PDE4D: variants seen among roughly 807,000 people sequenced by gnomAD.
PDE4D encodes the protein 3',5'-cyclic-AMP phosphodiesterase 4D.
A neutral mutation model predicts 87.4 loss-of-function variants in PDE4D; 24 were observed. The ratio of observed to expected loss-of-function variants is 0.27; its 90% CI spans 0.20 to 0.39. The LOEUF (loss-of-function observed/expected upper bound fraction) is 0.39. Ranked by LOEUF, PDE4D falls within the 10% of genes least tolerant of loss-of-function variation. PDE4D has a pLI of 1.00. For missense variants in PDE4D, 714 were observed against 1,041.0 expected (o/e 0.69, Z 4.32); for synonymous variants, 384 against 383.2 (o/e 1.00, Z -0.02).
chr5:59,739,139 G>T (rs1040883871), intron 1 of PDE4D, among the ~76,000 whole-genome samples: 3 of 152,152 alleles, frequency 2.0e-5, no homozygotes, highest in Non-Finnish European at 2.9e-5. Context: ...GGGAGAAAGG[G>T]CTGGGTGCAG....
chr5:60,139,256 A>G (rs1361455574), intron 2 of PDE4D, among the ~76,000 whole-genome samples: 1 of 152,164 alleles, frequency 6.6e-6, no homozygotes, highest in Non-Finnish European at 1.5e-5. Flanking sequence ...TAGGTTCATT[A>G]CATGAAGGAT....
intron 1 of PDE4D, among the ~76,000 whole-genome samples, chr5:60,443,513 A>G (rs566244846): frequency 6.6e-6 from 1 of 152,268 alleles, no homozygotes; most frequent in African/African-American, 2.4e-5. Flanking sequence ...AGGGTAGAGA[A>G]AAGAATGCTG....
chr5:59,080,626 C>G (rs1247472540), intron 5 of PDE4D, among the ~76,000 whole-genome samples: 1 of 152,138 alleles, frequency 6.6e-6, no homozygotes, highest in Non-Finnish European at 1.5e-5. Context: ...TAGGCAAAAG[C>G]TACAGGGCAA....
rs548335725 is a variant in PDE4D at position 59,156,320 on chromosome 5, A to AAAATATATATAT, written c.808+24274_808+24275insATATATATATTT. On this transcript the variant is annotated intron_variant, in intron 5 of 14. Transcript: ENST00000340635. ...CTAGAGACTTGCCAGAAAAAAAAAA[A>AAAATATATATAT]ATATATATATATGTGTGTGTGTGTG... Among the ~76,000 whole-genome samples the AAAATATATATAT allele has an allele frequency of 7.8e-3, 636 of 81,626 alleles. 11 individuals carry two copies. Among genetic ancestry groups the AAAATATATATAT allele is most frequent in the Middle Eastern group, 0.019 (3 of 154 alleles). The allele number at this position is 81,626 out of a possible 152,430, so 53.5% of individuals were successfully genotyped here. A position where few individuals can be genotyped will look rare whatever the true frequency, so the allele number is the denominator to read the frequency against.
At chr5:60,059,022 C>T (rs1299286598) in intron 2 of PDE4D, among the ~76,000 whole-genome samples, 1 of 120,090 alleles carries the variant, frequency 8.3e-6, no homozygotes, top group South Asian at 2.8e-4. Flanking sequence ...TTCTATCTAT[C>T]TTTTTTGGCA....
At chr5:59,941,398 C>T (rs549669495) in intron 3 of PDE4D, among the ~76,000 whole-genome samples, 1 of 152,174 alleles carries the variant, frequency 6.6e-6, no homozygotes, top group Non-Finnish European at 1.5e-5. Flanking sequence ...AGAAATAGTT[C>T]GAAGTCAGGG....
intron 6 of PDE4D, among the ~76,000 whole-genome samples, chr5:59,018,388 T>C (rs367952927): frequency 1.3e-5 from 2 of 152,238 alleles, no homozygotes; most frequent in Admixed American, 6.5e-5. Context: ...TGTAAGTCTA[T>C]TACACTTTGG....
chr5:59,662,633 A>G (rs561174455), intron 1 of PDE4D, among the ~76,000 whole-genome samples: 5 of 152,258 alleles, frequency 3.3e-5, no homozygotes, highest in Non-Finnish European at 7.3e-5. Flanking sequence ...CTATTTTAAG[A>G]AAACCACCTT....
intron 1 of PDE4D, among the ~76,000 whole-genome samples, chr5:60,193,495 C>T (rs1308573776): frequency 6.6e-6 from 1 of 151,256 alleles, no homozygotes; most frequent in Non-Finnish European, 1.5e-5. Flanking sequence ...AAGATGAAAC[C>T]CCGTCTCTAC....
chr5:59,242,830 A>T (rs957434678), intron 1 of PDE4D, among the ~76,000 whole-genome samples: 2 of 152,176 alleles, frequency 1.3e-5, no homozygotes, highest in African/African-American at 4.8e-5. Context: ...AATTATGGAC[A>T]GATGTAGAGC....
chr5:59,884,444 C>CT (rs1453714054), intron 1 of PDE4D, among the ~76,000 whole-genome samples: 1 of 151,918 alleles, frequency 6.6e-6, no homozygotes, highest in Non-Finnish European at 1.5e-5. Flanking sequence ...CTCTAAATTG[C>CT]TTTTTCCACA....
intron 1 of PDE4D, among the ~76,000 whole-genome samples, chr5:59,879,208 G>A (rs1197614140): frequency 2.6e-5 from 4 of 152,092 alleles, no homozygotes; most frequent in African/African-American, 9.7e-5. Context: ...CCCTACCAAA[G>A]TAAGTTTTAA....
chr5:59,887,692 A>G (rs1750365454), intron 1 of PDE4D, among the ~76,000 whole-genome samples: 1 of 152,112 alleles, frequency 6.6e-6, no homozygotes, highest in Admixed American at 6.6e-5. Flanking sequence ...ATTAAAGTTT[A>G]GAGATAGAAA....
intron 2 of PDE4D, among the ~76,000 whole-genome samples, chr5:60,031,594 T>A (rs1767252290): frequency 6.6e-6 from 1 of 152,226 alleles, no homozygotes; most frequent in Non-Finnish European, 1.5e-5. Flanking sequence ...TAGCCCTGCC[T>A]GATGAAGAAT....
chr5:60,288,148 C>A (rs1038770781), intron 1 of PDE4D, among the ~76,000 whole-genome samples: 2 of 152,206 alleles, frequency 1.3e-5, no homozygotes, highest in Non-Finnish European at 2.9e-5. Context: ...AGGGCTATCC[C>A]GAGACTAACT....
intron 1 of PDE4D, among the ~76,000 whole-genome samples, chr5:60,340,615 A>C (rs1196896112): frequency 6.6e-6 from 1 of 151,886 alleles, no homozygotes; most frequent in Non-Finnish European, 1.5e-5. Flanking sequence ...TTTAAAAAAA[A>C]AAAAAAAAAA....
intron 5 of PDE4D, among the ~76,000 whole-genome samples, chr5:59,056,193 C>T (rs1251444041): frequency 2.6e-5 from 4 of 152,182 alleles, no homozygotes; most frequent in South Asian, 2.1e-4. Flanking sequence ...GGCTCAGACA[C>T]GGCAAGAACC....
intron 1 of PDE4D, among the ~76,000 whole-genome samples, chr5:59,410,163 T>C (rs904972419): frequency 6.6e-6 from 1 of 152,156 alleles, no homozygotes; most frequent in Non-Finnish European, 1.5e-5. Context: ...AAATACTAGA[T>C]CTTATTCTTC....
intron 2 of PDE4D, among the ~76,000 whole-genome samples, chr5:60,049,842 A>T (rs1379585836): frequency 3.9e-5 from 6 of 152,198 alleles, no homozygotes; most frequent in Non-Finnish European, 8.8e-5. Context: ...CTGCCCCCAG[A>T]GGTGGAGCCT....
Sources: allele counts gnomAD v4.1 joint callset (sites outside exome capture counted in the v4.1 genomes callset), GRCh38; gene constraint gnomAD v4.1.1; transcripts MANE v1.5; gene names NCBI Gene and HGNC (gene_info 2026-07-23, HGNC 2026-07-21).